Variants in TNRC6B observed in about 807,000 individuals in gnomAD.
TNRC6B encodes trinucleotide repeat containing adaptor 6B.
A neutral mutation model predicts 203.6 loss-of-function variants in TNRC6B; 52 were observed. That is an observed-to-expected ratio of 0.26 (90% confidence interval 0.20 to 0.32). The LOEUF (loss-of-function observed/expected upper bound fraction) is 0.32. Ranked by LOEUF, TNRC6B falls within the 10% of genes least tolerant of loss-of-function variation. The pLI, the probability that TNRC6B is intolerant of heterozygous loss-of-function variation, is 1.00. For synonymous variants in TNRC6B, 838 were observed against 845.7 expected (o/e 0.99, Z 0.16); for missense variants, 1,923 against 2,286.2 (o/e 0.84, Z 3.24).
intron 1 of TNRC6B, among the ~76,000 whole-genome samples, chr22:40,206,869 T>C (rs1276633173): frequency 6.6e-6 from 1 of 152,214 alleles, no homozygotes; most frequent in African/African-American, 2.4e-5. Context: ...TCTGGGATAC[T>C]TCATATGGAT....
In TNRC6B at chr22:40,313,854, C is replaced by G. The variant is rs551507064; in HGVS notation, c.4678+857C>G. On this transcript the variant is annotated intron_variant, in intron 19 of 22. Coordinates refer to ENST00000454349, the MANE Select transcript of TNRC6B (RefSeq NM_001162501.2). The stretch of plus-strand genomic sequence containing the variant: ...ACGTTAATTTTTATTTTACCTTCAC[C>G]AAAGGCTATGAGTAAGTCCTGTTGT... 7.2e-5 allele frequency among the ~76,000 whole-genome samples: 11 copies of G among 152,276 alleles called. No homozygotes were observed. In the South Asian group the frequency reaches 2.3e-3, roughly 32 times the overall value.
chr22:40,290,897 A>G (rs1318682693), intron 12 of TNRC6B, among the ~76,000 whole-genome samples: 1 of 152,180 alleles, frequency 6.6e-6, no homozygotes, highest in Non-Finnish European at 1.5e-5. Flanking sequence ...TGTGTGAGAG[A>G]CTTGGGTACT....
intron 12 of TNRC6B, among the ~76,000 whole-genome samples, chr22:40,294,874 G>A (rs560330030): frequency 2.5e-4 from 38 of 152,308 alleles, no homozygotes; most frequent in Non-Finnish European, 3.7e-4. Context: ...CCTCATGCTC[G>A]CCCTAAAACT....
At position 40,270,830 on chromosome 22, in the gene TNRC6B, A is replaced by G. The variant is rs147723389; in HGVS notation, c.2965+550A>G. ...AAGTTAATTTTGTTTTAAATTTAGTATCTGGACAGAATTATAATTTTGATG... is the reference window on the plus strand; with the variant it reads ...AAGTTAATTTTGTTTTAAATTTAGTGTCTGGACAGAATTATAATTTTGATG... On this transcript the variant is annotated intron_variant, in intron 6 of 22. Coordinates refer to ENST00000454349, the MANE Select transcript of TNRC6B (RefSeq NM_001162501.2). Among the ~76,000 whole-genome samples the G allele has an allele frequency of 2.7e-3, 407 of 152,360 alleles. 1 individual carries two copies. The highest frequency in any genetic ancestry group is 5.2e-3 in the South Asian group (25 of 4,834).
chr22:40,218,491 T>A (rs1019537310), intron 1 of TNRC6B, among the ~76,000 whole-genome samples: 1 of 151,876 alleles, frequency 6.6e-6, no homozygotes, highest in Middle Eastern at 3.2e-3. Flanking sequence ...AATGCCTGGC[T>A]AATATTTGTA....
chr22:40,308,180 G>T (rs375141926), intron 15 of TNRC6B, among the ~76,000 whole-genome samples: 2 of 152,142 alleles, frequency 1.3e-5, no homozygotes, highest in East Asian at 3.9e-4. Context: ...ACATTGGCTG[G>T]ATGTCGTCTT....
chr22:40,184,562 C>T (rs1211386803), intron 1 of TNRC6B, among the ~76,000 whole-genome samples: 1 of 152,166 alleles, frequency 6.6e-6, no homozygotes, highest in Non-Finnish European at 1.5e-5. Flanking sequence ...GGGAAAGTCA[C>T]TTGTTCAGAT....
Position 40,261,913 on chromosome 22 carries a change from G to C in TNRC6B, c.197G>C (p.Gly66Ala), listed in dbSNP as rs1250713379. Residue 66 changes from glycine (G) to alanine (A), a missense_variant, in exon 4 of 23, where the codon GGT (glycine) becomes GCT (alanine). By Grantham distance (60) the Gly-to-Ala change is moderately conservative. Coordinates refer to ENST00000454349, the MANE Select transcript of TNRC6B (RefSeq NM_001162501.2). ...IGSSPSPPVN[G>A]GNNAKRVAVP... is the part of the protein sequence containing the mutation. ...AGCTCTCCATCGCCACCAGTCAATG[G>C]TGGCAACAATGCCAAAAGGGTGGCA... The C allele has an allele frequency of 6.2e-7, 1 of 1,610,336 alleles. No homozygotes were observed.
intron 1 of TNRC6B, among the ~76,000 whole-genome samples, chr22:40,223,884 A>G (rs893699698): frequency 1.1e-4 from 17 of 152,228 alleles, no homozygotes; most frequent in African/African-American, 3.9e-4. Flanking sequence ...CTCATCAGCA[A>G]TGGTATATGT....
In TNRC6B at chr22:40,326,591, A is replaced by G. The variant is rs2071404973; in HGVS notation, c.*3350A>G. On this transcript the variant is annotated 3_prime_UTR_variant, in exon 23 of 23. Transcript: ENST00000454349. ...GACTGAACTGAAATCTCCCCTAGTA[A>G]TTTTTATTTTTTTAAAGGAACCCTT... 1 of 152,472 alleles carries G rather than the reference A, an allele frequency of 6.6e-6. No homozygotes were observed. Among genetic ancestry groups the G allele is most frequent in the African/African-American group, 2.4e-5 (1 of 41,390 alleles). 9.4% of individuals were successfully genotyped at this position (152,472 alleles called of 1,614,324 possible). A position where few individuals can be genotyped will look rare whatever the true frequency, so the allele number is the denominator to read the frequency against.
chr22:40,286,817 A>C (rs1481584735), intron 12 of TNRC6B, among the ~76,000 whole-genome samples: 2 of 152,188 alleles, frequency 1.3e-5, no homozygotes, highest in African/African-American at 4.8e-5. Flanking sequence ...TTTGTGAGAA[A>C]GCAGGCGTGA....
At chr22:40,208,605 G>A (rs961697124) in intron 1 of TNRC6B, among the ~76,000 whole-genome samples, 2 of 152,174 alleles carry the variant, frequency 1.3e-5, no homozygotes, top group Admixed American at 6.5e-5. Flanking sequence ...CTAAGTTAAG[G>A]GGAAGTTAAC....
intron 1 of TNRC6B, among the ~76,000 whole-genome samples, chr22:40,230,543 C>T (rs943920590): frequency 5.3e-5 from 8 of 151,976 alleles, no homozygotes; most frequent in Admixed American, 2.0e-4. Context: ...CCACTCACAT[C>T]GGCCTCCAAG....
Position 40,323,451 on chromosome 22 carries a change from C to A in TNRC6B, c.*210C>A. The A allele has an allele frequency of 3.9e-6, 2 of 519,268 alleles. No individual in the cohort carries two copies. The highest frequency in any genetic ancestry group is 6.6e-6 in the Non-Finnish European group (2 of 304,878). 32.2% of individuals were successfully genotyped at this position (519,268 alleles called of 1,614,324 possible). On this transcript the variant is annotated 3_prime_UTR_variant, in exon 23 of 23. Transcript: ENST00000454349. ...CAGTTTTTTCGTTTGGAATATGAAT[C>A]CAAAAAGAGAACATATCACTCTTGA...
At chr22:40,216,052 G>A (rs1014878454) in intron 1 of TNRC6B, among the ~76,000 whole-genome samples, 10 of 152,178 alleles carry the variant, frequency 6.6e-5, no homozygotes, top group African/African-American at 1.7e-4. Flanking sequence ...CTCACACTTC[G>A]CTTCCCTTCA....
chr22:40,128,900 G>A (rs990419452), intron 3 of TNRC6B, among the ~76,000 whole-genome samples: 1 of 152,034 alleles, frequency 6.6e-6, no homozygotes, highest in African/African-American at 2.4e-5. Context: ...TACTCTCAAG[G>A]CGGTTTCATT....
At chr22:40,058,007 A>C (rs961347165) in intron 1 of TNRC6B, among the ~76,000 whole-genome samples, 3 of 152,232 alleles carry the variant, frequency 2.0e-5, no homozygotes, top group African/African-American at 7.2e-5. Context: ...TCTTTTTACT[A>C]TACAAGTTTT....
intron 1 of TNRC6B, among the ~76,000 whole-genome samples, chr22:40,214,199 A>G (rs1421203939): frequency 6.6e-6 from 1 of 152,004 alleles, no homozygotes; most frequent in East Asian, 1.9e-4. Context: ...CCCAGGGGGC[A>G]GAGGTTGCAG....
At chr22:40,275,359 G>C (rs954675482) in intron 7 of TNRC6B, among the ~76,000 whole-genome samples, 1 of 152,140 alleles carries the variant, frequency 6.6e-6, no homozygotes, top group Admixed American at 6.5e-5. Context: ...TCTCTAGGTT[G>C]ACAACCAAGA....
Sources: gnomAD v4.1 joint callset for allele counts (sites outside exome capture counted in the v4.1 genomes callset) on GRCh38, gnomAD v4.1.1 for gene constraint, MANE v1.5 for transcripts, NCBI Gene and HGNC (gene_info 2026-07-23, HGNC 2026-07-21) for gene names.